The following PPM1D variants were observed in gnomAD, a reference collection of about 807,000 sequenced individuals.
The protein encoded by PPM1D is protein phosphatase, Mg2+/Mn2+ dependent 1D.
In PPM1D, 52 loss-of-function variants were observed where a neutral mutation model predicts 58.3. The observed-to-expected ratio is 0.89, with a 90% CI of 0.71 to 1.12. The LOEUF is 1.12. PPM1D is among the 50% of genes most tolerant of loss of function. The pLI is 0.00. For synonymous variants in PPM1D, 278 were observed against 285.1 expected (o/e 0.98, Z 0.25); for missense variants, 564 against 777.2 (o/e 0.73, Z 3.26).
chr17:60,609,633 A>C (rs539866586), intron 1 of PPM1D, among the ~76,000 whole-genome samples: 20 of 152,144 alleles, frequency 1.3e-4, no homozygotes, highest in Non-Finnish European at 2.6e-4. Flanking sequence ...TGCCCAGCAT[A>C]TCTACGCTGT....
chr17:60,623,801 A>C (rs541094754), intron 2 of PPM1D, 52 bp downstream of exon 2: 1 of 1,538,184 alleles, frequency 6.5e-7, no homozygotes, highest in Non-Finnish European at 8.9e-7. Flanking sequence ...TAGTCCTTTT[A>C]TGCTTTACTA....
chr17:60,644,135 T>C (rs931763219), intron 3 of PPM1D, among the ~76,000 whole-genome samples: 1 of 151,930 alleles, frequency 6.6e-6, no homozygotes, highest in Non-Finnish European at 1.5e-5. Flanking sequence ...TGCCTCGGCC[T>C]CCCAAAGTGC....
chr17:60,612,642 A>C (rs1466979811), intron 1 of PPM1D, among the ~76,000 whole-genome samples: 1 of 152,232 alleles, frequency 6.6e-6, no homozygotes, highest in Non-Finnish European at 1.5e-5. Context: ...GGAAAGGTAA[A>C]GCTGAAGATA....
At chr17:60,627,585 C>G (rs1184556793) in intron 2 of PPM1D, among the ~76,000 whole-genome samples, 1 of 151,986 alleles carries the variant, frequency 6.6e-6, no homozygotes, top group African/African-American at 2.4e-5. Context: ...CCATGCCCAG[C>G]TAATTTTTGT....
chr17:60,610,765 T>G (rs2030437999), intron 1 of PPM1D, among the ~76,000 whole-genome samples: 1 of 152,184 alleles, frequency 6.6e-6, no homozygotes, highest in Non-Finnish European at 1.5e-5. Flanking sequence ...ATAGAAAAGG[T>G]TTGCTGACCC....
chr17:60,637,408 T>C (rs746514659), intron 3 of PPM1D, among the ~76,000 whole-genome samples: 1 of 152,154 alleles, frequency 6.6e-6, no homozygotes, highest in Non-Finnish European at 1.5e-5. Context: ...GCCCCGCTCC[T>C]ACTCAGTATT....
chr17:60,607,439 C>T (rs1270548299), intron 1 of PPM1D, among the ~76,000 whole-genome samples: 1 of 152,086 alleles, frequency 6.6e-6, no homozygotes, highest in African/African-American at 2.4e-5. Context: ...TGTGCCACCA[C>T]ACTCAGCTAA....
intron 1 of PPM1D, among the ~76,000 whole-genome samples, chr17:60,622,917 C>T (rs1198904135): frequency 1.3e-5 from 2 of 152,030 alleles, no homozygotes; most frequent in Non-Finnish European, 2.9e-5. Context: ...ACCAACATGG[C>T]GAAACCCCAT....
chr17:60,609,409 C>A (rs987944634), intron 1 of PPM1D, among the ~76,000 whole-genome samples: 1 of 151,294 alleles, frequency 6.6e-6, no homozygotes, highest in Non-Finnish European at 1.5e-5. Context: ...GTTTTTATAA[C>A]TTATATATGA....
At chr17:60,604,168 C>T (rs2030281361) in intron 1 of PPM1D, among the ~76,000 whole-genome samples, 1 of 152,214 alleles carries the variant, frequency 6.6e-6, no homozygotes, top group Non-Finnish European at 1.5e-5. Flanking sequence ...CAACACATTT[C>T]ATTATACAAT....
intron 2 of PPM1D, 135 bp downstream of exon 2, chr17:60,623,884 A>G: frequency 2.5e-6 from 2 of 802,824 alleles, no homozygotes; most frequent in East Asian, 2.7e-5. Flanking sequence ...AGTTTGTCTG[A>G]TGTAATACTC....
At chr17:60,645,614 A>G (rs143381913) in intron 3 of PPM1D, among the ~76,000 whole-genome samples, 2,415 of 121,482 alleles carry the variant, frequency 0.02, 41 homozygotes, top group South Asian at 0.043. Context: ...ATATGTGTGT[A>G]TATATATATG....
At chr17:60,632,242 T>C (rs1473249031) in intron 2 of PPM1D, among the ~76,000 whole-genome samples, 1 of 151,982 alleles carries the variant, frequency 6.6e-6, no homozygotes, top group Non-Finnish European at 1.5e-5. Context: ...TAGGCATTTC[T>C]TTTGCTCCTA....
intron 1 of PPM1D, among the ~76,000 whole-genome samples, chr17:60,604,192 A>T (rs1372143018): frequency 2.0e-5 from 3 of 152,234 alleles, no homozygotes; most frequent in Admixed American, 6.5e-5. Flanking sequence ...AAAGAAAATC[A>T]TGTTTGTTAA....
chr17:60,641,376 C>CAAA (rs1567973335), intron 3 of PPM1D, among the ~76,000 whole-genome samples: 11 of 152,026 alleles, frequency 7.2e-5, no homozygotes, highest in African/African-American at 2.7e-4. Context: ...GATTCTTGGC[C>CAAA]GTTTGCATGT....
intron 1 of PPM1D, among the ~76,000 whole-genome samples, chr17:60,615,793 A>G (rs931227425): frequency 1.3e-5 from 2 of 151,082 alleles, no homozygotes; most frequent in Non-Finnish European, 2.9e-5. Flanking sequence ...CTGGGATTAC[A>G]GATGTAAGCC....
chr17:60,620,862 C>G (rs2030686176), intron 1 of PPM1D, among the ~76,000 whole-genome samples: 1 of 151,968 alleles, frequency 6.6e-6, no homozygotes, highest in Non-Finnish European at 1.5e-5. Context: ...AGACCAACGT[C>G]GAGATTTTTC....
chr17:60,642,222 CT>C (rs1328164548), intron 3 of PPM1D, among the ~76,000 whole-genome samples: 1 of 151,884 alleles, frequency 6.6e-6, no homozygotes, highest in Non-Finnish European at 1.5e-5. Context: ...ATTCTAGGGA[CT>C]TTTACTAGCA....
rs1371874151 is a variant in PPM1D at position 60,656,638 on chromosome 17, C to T, written c.1057C>T (p.Arg353Ter). 7 of 1,614,014 alleles carry T rather than the reference C, an allele frequency of 4.3e-6. No homozygotes were observed. In the Admixed American group the frequency reaches 1.2e-4, roughly 27 times the overall value. Residue 353 changes from arginine to a stop codon, truncating the protein, a stop_gained, in exon 5 of 6, where the codon CGA (arginine) becomes TGA (stop). Coordinates refer to ENST00000305921, the MANE Select transcript of PPM1D (RefSeq NM_003620.4). LOFTEE classifies it high-confidence loss of function. ...GQSCAKMLVN[R>*]ALGRWRQRML... ...ATCTTGTGCCAAAATGCTTGTGAATCGAGCATTGGGCCGCTGGAGGCAGCG... is the reference window on the plus strand; with the variant it reads ...ATCTTGTGCCAAAATGCTTGTGAATTGAGCATTGGGCCGCTGGAGGCAGCG...
Sources: allele counts gnomAD v4.1 joint callset (sites outside exome capture counted in the v4.1 genomes callset), GRCh38; gene constraint gnomAD v4.1.1; transcripts MANE v1.5; gene names NCBI Gene and HGNC (gene_info 2026-07-23, HGNC 2026-07-21).